Variants in RFC3 observed in about 807,000 individuals in gnomAD.
RFC3 encodes A1 38 kDa subunit.
RFC3 carries 41 observed loss-of-function variants against 45.1 expected under a neutral mutation model. That is an observed-to-expected ratio of 0.91 (90% CI 0.71 to 1.18). RFC3 has a LOEUF of 1.18. Ranked by LOEUF, RFC3 falls within the 50% of genes most tolerant of loss-of-function variation. RFC3 has a pLI of 0.00. For synonymous variants in RFC3, 149 were observed against 144.0 expected (o/e 1.03, Z -0.25); for missense variants, 423 against 428.1 (o/e 0.99, Z 0.10).
chr13:33,923,333 G>T (rs1302683738), intron 8 of RFC3, among the ~76,000 whole-genome samples: 1 of 152,042 alleles, frequency 6.6e-6, no homozygotes, highest in African/African-American at 2.4e-5. Flanking sequence ...CAGGGAGGGG[G>T]TCATCCATCT....
chr13:33,899,297 A>T (rs774229531), intron 8 of RFC3, among the ~76,000 whole-genome samples: 1 of 151,630 alleles, frequency 6.6e-6, no homozygotes, highest in Non-Finnish European at 1.5e-5. Context: ...AAATACGAGC[A>T]AACTGAATTC....
At chr13:33,960,248 C>A (rs2083048360) in intron 8 of RFC3, among the ~76,000 whole-genome samples, 1 of 152,064 alleles carries the variant, frequency 6.6e-6, no homozygotes. Context: ...AAACAAAAAT[C>A]AAGTGATGGT....
intron 8 of RFC3, among the ~76,000 whole-genome samples, chr13:33,857,446 C>T (rs888878078): frequency 1.3e-5 from 2 of 152,160 alleles, no homozygotes; most frequent in African/African-American, 4.8e-5. Flanking sequence ...CACAAGTCAG[C>T]AGAGCTCAGT....
intron 8 of RFC3, among the ~76,000 whole-genome samples, chr13:33,887,380 G>A (rs2082532839): frequency 6.6e-6 from 1 of 151,998 alleles, no homozygotes; most frequent in South Asian, 2.1e-4. Flanking sequence ...TTTCTCTGAT[G>A]GCCAGTGATG....
chr13:33,930,224 A>T (rs944537590), intron 8 of RFC3, among the ~76,000 whole-genome samples: 21 of 152,096 alleles, frequency 1.4e-4, no homozygotes, highest in Non-Finnish European at 2.9e-4. Flanking sequence ...TCACAAGGTG[A>T]AGTCCCGCAA....
intron 8 of RFC3, among the ~76,000 whole-genome samples, chr13:33,961,054 T>C (rs527707618): frequency 1.3e-5 from 2 of 152,364 alleles, no homozygotes; most frequent in Admixed American, 1.3e-4. Flanking sequence ...AGTATAAGTA[T>C]GTTCCAAATA....
At chr13:33,922,665 T>C (rs887718226) in intron 8 of RFC3, among the ~76,000 whole-genome samples, 3 of 152,134 alleles carry the variant, frequency 2.0e-5, no homozygotes, top group African/African-American at 4.8e-5. Context: ...TGTGCTGTTA[T>C]GAAAAAGTAG....
At chr13:33,887,712 G>T (rs886413152) in intron 8 of RFC3, among the ~76,000 whole-genome samples, 4 of 152,116 alleles carry the variant, frequency 2.6e-5, no homozygotes, top group Non-Finnish European at 4.4e-5. Context: ...CCATGCCTAT[G>T]TCCTGAATGG....
At chr13:33,904,419 A>G (rs779167098) in intron 8 of RFC3, among the ~76,000 whole-genome samples, 17 of 151,986 alleles carry the variant, frequency 1.1e-4, no homozygotes, top group South Asian at 2.1e-4. Context: ...GTGTCCCAAC[A>G]TGTGTTCTCC....
At chr13:33,891,142 A>G (rs2082560985) in intron 8 of RFC3, among the ~76,000 whole-genome samples, 1 of 152,202 alleles carries the variant, frequency 6.6e-6, no homozygotes, top group Non-Finnish European at 1.5e-5. Context: ...AAAATAAGAA[A>G]CTAAGCATTT....
At chr13:33,921,847 T>G (rs1413041673) in intron 8 of RFC3, among the ~76,000 whole-genome samples, 2 of 152,114 alleles carry the variant, frequency 1.3e-5, no homozygotes, top group East Asian at 3.9e-4. Flanking sequence ...TTGAACTAAT[T>G]ATCTAATTTT....
the RFC3 span, among the ~76,000 whole-genome samples, chr13:33,976,060 A>G: frequency 6.6e-6 from 1 of 152,214 alleles, no homozygotes; most frequent in Non-Finnish European, 1.5e-5. Context: ...AAAATAAGAA[A>G]GTGCCAAAAA....
At chr13:33,893,030 C>G (rs751139349) in intron 8 of RFC3, among the ~76,000 whole-genome samples, 1 of 152,148 alleles carries the variant, frequency 6.6e-6, no homozygotes, top group Non-Finnish European at 1.5e-5. Context: ...TCATGGAAAG[C>G]ATTTCAAATG....
At chr13:33,892,501 C>G (rs1021926436) in intron 8 of RFC3, among the ~76,000 whole-genome samples, 2 of 143,490 alleles carry the variant, frequency 1.4e-5, no homozygotes, top group Admixed American at 6.8e-5. Flanking sequence ...CTACTTCATT[C>G]TATCTCTATT....
chr13:33,970,577 A>G (rs1431411550), downstream of RFC3, among the ~76,000 whole-genome samples: 3 of 152,266 alleles, frequency 2.0e-5, no homozygotes, highest in Admixed American at 6.5e-5. Flanking sequence ...AGATGCTGAG[A>G]CAAGAATTTG....
At chr13:33,874,609 A>G (rs550504580) in intron 8 of RFC3, among the ~76,000 whole-genome samples, 4 of 152,252 alleles carry the variant, frequency 2.6e-5, no homozygotes, top group Admixed American at 1.3e-4. Context: ...GTGAGCCACC[A>G]TGCCCGGCCA....
At chr13:33,867,225 C>T (rs1459952468) in intron 8 of RFC3, among the ~76,000 whole-genome samples, 1 of 152,128 alleles carries the variant, frequency 6.6e-6, no homozygotes, top group Non-Finnish European at 1.5e-5. Flanking sequence ...TTACAAAATC[C>T]AGAATACACT....
intron 8 of RFC3, among the ~76,000 whole-genome samples, chr13:33,885,347 A>G (rs1303125406): frequency 6.6e-6 from 1 of 151,954 alleles, no homozygotes; most frequent in Non-Finnish European, 1.5e-5. Flanking sequence ...AAAAAAAAAA[A>G]CTGCGTAATT....
chr13:33,828,577 C>T (rs931144248), intron 4 of RFC3, among the ~76,000 whole-genome samples: 4 of 152,220 alleles, frequency 2.6e-5, no homozygotes, highest in African/African-American at 7.2e-5. Context: ...TGTGTGGCAA[C>T]AGGCTGGAGT....
Sources: gnomAD v4.1 joint callset for allele counts (sites outside exome capture counted in the v4.1 genomes callset) on GRCh38, gnomAD v4.1.1 for gene constraint, MANE v1.5 for transcripts, NCBI Gene and HGNC (gene_info 2026-07-23, HGNC 2026-07-21) for gene names.